Variants in CELF2 observed in about 807,000 individuals in gnomAD.
The protein encoded by CELF2 is CUGBP Elav-like family member 2.
CELF2 carries 8 observed loss-of-function variants against 62.6 expected under a neutral mutation model. That is an observed-to-expected ratio of 0.13 (90% CI 0.07 to 0.23). The LOEUF is 0.23. CELF2 is among the 10% of genes least tolerant of loss of function. The pLI, the probability that CELF2 is intolerant of heterozygous loss-of-function variation, is 1.00. For synonymous variants in CELF2, 258 were observed against 250.0 expected (o/e 1.03, Z -0.30); for missense variants, 333 against 671.0 (o/e 0.50, Z 5.56).
chr10:10,958,620 G>A (rs953108289), intron 2 of CELF2, among the ~76,000 whole-genome samples: 4 of 152,100 alleles, frequency 2.6e-5, no homozygotes, highest in Non-Finnish European at 5.9e-5. Context: ...CAGGCAGGAC[G>A]AACACTTGAG....
At chr10:10,658,785 G>C in the CELF2 span, among the ~76,000 whole-genome samples, 1 of 151,920 alleles carries the variant, frequency 6.6e-6, no homozygotes, top group African/African-American at 2.4e-5. Context: ...TAACTGGCCT[G>C]ATAGAATTTG....
chr10:10,927,087 C>T (rs1416093546), intron 2 of CELF2: 1 of 152,052 alleles, frequency 6.6e-6, no homozygotes, highest in East Asian at 1.9e-4. Context: ...TTGCTCCATT[C>T]CCCTGTGGGG....
At chr10:11,194,814 C>G (rs577399990) in intron 2 of CELF2, among the ~76,000 whole-genome samples, 1 of 152,192 alleles carries the variant, frequency 6.6e-6, no homozygotes, top group African/African-American at 2.4e-5. Flanking sequence ...AAGTTCAACT[C>G]AATTTTTATT....
intron 1 of CELF2, among the ~76,000 whole-genome samples, chr10:11,055,097 A>C (rs543413151): frequency 4.7e-4 from 72 of 152,378 alleles, no homozygotes; most frequent in Middle Eastern, 3.4e-3. Flanking sequence ...TGTAATGCTC[A>C]TAACCTGTGT....
chr10:11,274,407 G>T (rs1465687065), intron 7 of CELF2, among the ~76,000 whole-genome samples: 1 of 152,178 alleles, frequency 6.6e-6, no homozygotes, highest in Admixed American at 6.5e-5. Context: ...CTTTCTCATA[G>T]GTATATTAAT....
chr10:10,771,238 G>C, the CELF2 span, among the ~76,000 whole-genome samples: 1 of 152,194 alleles, frequency 6.6e-6, no homozygotes, highest in African/African-American at 2.4e-5. Flanking sequence ...TGGGAGACAT[G>C]ACCTAAGCAG....
chr10:11,021,050 C>G (rs1049831375), intron 1 of CELF2, among the ~76,000 whole-genome samples: 5 of 152,028 alleles, frequency 3.3e-5, no homozygotes, highest in African/African-American at 1.2e-4. Context: ...TTTAAACTGA[C>G]AGTTGATTTT....
At chr10:10,517,420 A>T in the CELF2 span, among the ~76,000 whole-genome samples, 2 of 152,184 alleles carry the variant, frequency 1.3e-5, no homozygotes, top group African/African-American at 4.8e-5. Flanking sequence ...CAGAAAGGAA[A>T]ACAGGGAGGT....
chr10:10,540,391 C>G, the CELF2 span, among the ~76,000 whole-genome samples: 1 of 152,172 alleles, frequency 6.6e-6, no homozygotes, highest in South Asian at 2.1e-4. Flanking sequence ...CTCTCAGGAA[C>G]CTTTTGCTTT....
At chr10:10,877,378 G>A (rs2061168415) in intron 1 of CELF2, among the ~76,000 whole-genome samples, 1 of 152,240 alleles carries the variant, frequency 6.6e-6, no homozygotes, top group South Asian at 2.1e-4. Flanking sequence ...ATCATCATAG[G>A]TAAGTGAACA....
chr10:10,535,543 C>A, the CELF2 span, among the ~76,000 whole-genome samples: 19 of 152,194 alleles, frequency 1.2e-4, no homozygotes, highest in African/African-American at 4.1e-4. Flanking sequence ...GATGGTGAAA[C>A]CCCATCTCTA....
At chr10:10,785,955 C>A in the CELF2 span, among the ~76,000 whole-genome samples, 2 of 151,978 alleles carry the variant, frequency 1.3e-5, no homozygotes, top group Non-Finnish European at 2.9e-5. Flanking sequence ...AGCCATTCCA[C>A]AATGCATACA....
chr10:10,619,557 C>G, the CELF2 span, among the ~76,000 whole-genome samples: 31 of 152,318 alleles, frequency 2.0e-4, no homozygotes, highest in African/African-American at 7.2e-4. Flanking sequence ...GGGTAGAGCG[C>G]TCCTCTTCAA....
At chr10:10,525,053 T>G in the CELF2 span, among the ~76,000 whole-genome samples, 1 of 152,198 alleles carries the variant, frequency 6.6e-6, no homozygotes, top group South Asian at 2.1e-4. Flanking sequence ...TACAGTGCAA[T>G]GTTTGGATAT....
chr10:10,709,803 T>C, the CELF2 span, among the ~76,000 whole-genome samples: 1 of 152,314 alleles, frequency 6.6e-6, no homozygotes, highest in Admixed American at 6.5e-5. Flanking sequence ...AATCCGGCAC[T>C]CAGTTTTCTT....
At position 11,288,521 on chromosome 10, in the gene CELF2, G is replaced by C. The variant is rs202193360; in HGVS notation, c.945G>C (p.Thr315=). 2.4e-5 allele frequency: 38 copies of C among 1,613,788 alleles called. No homozygotes were observed. Among genetic ancestry groups the C allele is most frequent in the South Asian group, 4.4e-5 (4 of 91,084 alleles). The change falls in exon 9 of 13, where the codon ACG becomes ACC. Residue 315 remains threonine, a synonymous_variant. Transcript: ENST00000633077. ...TSTNANPLST[T]SSALGALTSP... is the part of the protein sequence containing the mutation. ...CCAATGCAAACCCTCTCTCTACCAC[G>C]AGCAGCGCCCTGGGAGCCCTCACGA...
upstream of CELF2, among the ~76,000 whole-genome samples, chr10:11,014,814 TTTG>T (rs1270291485): frequency 6.6e-6 from 1 of 152,176 alleles, no homozygotes; most frequent in African/African-American, 2.4e-5. Flanking sequence ...TGAATTGCCT[TTTG>T]TTTGGGAAAT....
Position 11,094,631 on chromosome 10 carries a change from A to C in CELF2, c.75-70855A>C, listed in dbSNP as rs554705452. Among the ~76,000 whole-genome samples the C allele has an allele frequency of 2.6e-5, 4 of 152,282 alleles. No individual in the cohort carries two copies. The South Asian group carries it at 6.2e-4, about 24-fold the overall frequency. On this transcript the variant is annotated intron_variant, in intron 1 of 12. Transcript: ENST00000633077. Reference sequence around the variant, plus strand: ...AAGTGAGAGCTGTGTCTATATGTTAAATACATCGGCTGATTTATTTTTAAA... The same window carrying C: ...AAGTGAGAGCTGTGTCTATATGTTACATACATCGGCTGATTTATTTTTAAA...
intron 1 of CELF2, among the ~76,000 whole-genome samples, chr10:10,844,724 G>T (rs1391423241): frequency 6.6e-6 from 1 of 152,056 alleles, no homozygotes; most frequent in African/African-American, 2.4e-5. Flanking sequence ...GATTTTATCT[G>T]TGTCTAAGGA....
Sources: allele counts gnomAD v4.1 joint callset (sites outside exome capture counted in the v4.1 genomes callset), GRCh38; gene constraint gnomAD v4.1.1; transcripts MANE v1.5; gene names NCBI Gene and HGNC (gene_info 2026-07-23, HGNC 2026-07-21).